The following KAZN variants were observed in gnomAD, a reference collection of about 807,000 sequenced individuals.
KAZN encodes the protein kazrin, periplakin interacting protein.
Under a neutral mutation model 87.4 loss-of-function variants are expected in KAZN, and 40 were observed. The observed-to-expected ratio is 0.46, with a 90% confidence interval of 0.36 to 0.60. The LOEUF (loss-of-function observed/expected upper bound fraction) is 0.60, where lower values mean the gene tolerates loss of function less well. KAZN is among the 20% of genes least tolerant of loss of function. KAZN has a pLI of 0.00. For missense variants in KAZN, 898 were observed against 1,073.9 expected (o/e 0.84, Z 2.29); for synonymous variants, 466 against 458.3 (o/e 1.02, Z -0.22).
intron 1 of KAZN, among the ~76,000 whole-genome samples, chr1:14,060,350 G>A (rs535644882): frequency 2.9e-4 from 37 of 128,566 alleles, no homozygotes; most frequent in Non-Finnish European, 4.1e-4. Context: ...GCGACAGAGC[G>A]AGACTCCACC....
At chr1:14,615,960 C>T (rs995842785) in intron 1 of KAZN, among the ~76,000 whole-genome samples, 2 of 152,212 alleles carry the variant, frequency 1.3e-5, no homozygotes, top group Non-Finnish European at 2.9e-5. Context: ...TCTCACCTGG[C>T]TTGAGCAGAG....
intron 1 of KAZN, among the ~76,000 whole-genome samples, chr1:14,614,570 T>G (rs1479564624): frequency 6.6e-6 from 1 of 152,198 alleles, no homozygotes; most frequent in Non-Finnish European, 1.5e-5. Context: ...GCAAAGCACC[T>G]CCCGCGCTGG....
At chr1:14,563,382 C>T (rs1674363449) in intron 2 of KAZN, among the ~76,000 whole-genome samples, 1 of 152,182 alleles carries the variant, frequency 6.6e-6, no homozygotes. Context: ...GATGTATAAA[C>T]CCATAACCCA....
chr1:15,023,942 G>C (rs919888515), intron 2 of KAZN, among the ~76,000 whole-genome samples: 2 of 152,142 alleles, frequency 1.3e-5, no homozygotes, highest in African/African-American at 4.8e-5. Flanking sequence ...AGAGTTTAAG[G>C]CCAGAGCAAC....
chr1:14,679,425 G>C (rs1640434856), intron 1 of KAZN, among the ~76,000 whole-genome samples: 1 of 152,134 alleles, frequency 6.6e-6, no homozygotes, highest in Non-Finnish European at 1.5e-5. Context: ...GGGTGATATG[G>C]GGTAGGGGGA....
chr1:14,503,509 A>T (rs1191205282), intron 2 of KAZN, among the ~76,000 whole-genome samples: 1 of 149,388 alleles, frequency 6.7e-6, no homozygotes, highest in Non-Finnish European at 1.5e-5. Flanking sequence ...ATGAATTGAT[A>T]TGTGTAGAGT....
chr1:14,326,291 T>C (rs765929811), intron 2 of KAZN, among the ~76,000 whole-genome samples: 29 of 151,946 alleles, frequency 1.9e-4, no homozygotes, highest in Non-Finnish European at 2.1e-4. Flanking sequence ...CAAAAAGCCA[T>C]CCTTGTTGTG....
chr1:14,142,731 C>T (rs1163654287), intron 1 of KAZN, among the ~76,000 whole-genome samples: 2 of 152,210 alleles, frequency 1.3e-5, no homozygotes, highest in African/African-American at 2.4e-5. Context: ...CAGATGGGCC[C>T]GCTGCAGCTG....
intron 1 of KAZN, among the ~76,000 whole-genome samples, chr1:14,904,983 A>C (rs1252042005): frequency 6.6e-6 from 1 of 151,920 alleles, no homozygotes; most frequent in Non-Finnish European, 1.5e-5. Flanking sequence ...GGATGGTCTC[A>C]ATCTCCTGAC....
At chr1:14,542,604 A>G (rs899257702) in intron 2 of KAZN, among the ~76,000 whole-genome samples, 5 of 152,236 alleles carry the variant, frequency 3.3e-5, no homozygotes, top group Non-Finnish European at 7.3e-5. Context: ...CAGATTTGTT[A>G]CATGGGAATA....
intron 2 of KAZN, among the ~76,000 whole-genome samples, chr1:14,569,125 T>C (rs1415363433): frequency 2.0e-5 from 3 of 152,182 alleles, no homozygotes; most frequent in Non-Finnish European, 4.4e-5. Context: ...ATCCCATTTA[T>C]AGTTGTGTGA....
At chr1:14,403,654 A>G (rs1429628009) in intron 2 of KAZN, among the ~76,000 whole-genome samples, 4 of 152,238 alleles carry the variant, frequency 2.6e-5, no homozygotes, top group African/African-American at 9.6e-5. Flanking sequence ...TGGCCAGTCT[A>G]GAACCCATGG....
chr1:14,774,519 G>A (rs1427351669), intron 1 of KAZN, among the ~76,000 whole-genome samples: 1 of 148,484 alleles, frequency 6.7e-6, no homozygotes, highest in Non-Finnish European at 1.5e-5. Flanking sequence ...CACCCAGGCT[G>A]GAGTGCAGTG....
intron 8 of KAZN, chr1:15,068,183 T>C (rs1278758957): frequency 2.5e-6 from 2 of 789,640 alleles, no homozygotes; most frequent in Non-Finnish European, 3.1e-6. Context: ...TTGCTTCTAT[T>C]TGGCTCCGGG....
At chr1:14,170,174 A>G (rs755689884) in intron 1 of KAZN, among the ~76,000 whole-genome samples, 6 of 152,184 alleles carry the variant, frequency 3.9e-5, no homozygotes, top group Non-Finnish European at 5.9e-5. Context: ...TCAGAGCCCA[A>G]TTCAGGCACC....
intron 1 of KAZN, among the ~76,000 whole-genome samples, chr1:14,654,287 CAA>C (rs140822403): frequency 3.1e-4 from 25 of 80,306 alleles, no homozygotes; most frequent in African/African-American, 3.1e-4. Flanking sequence ...GGCTTCGTCT[CAA>C]AAAAAAAAAA....
intron 8 of KAZN, among the ~76,000 whole-genome samples, chr1:15,089,505 G>A (rs890069349): frequency 1.3e-5 from 2 of 152,108 alleles, no homozygotes; most frequent in African/African-American, 4.8e-5. Context: ...CTCTAGGTGT[G>A]GCCAAACAGT....
At chr1:13,936,219 C>T (rs1570327592) in intron 1 of KAZN, among the ~76,000 whole-genome samples, 4 of 149,788 alleles carry the variant, frequency 2.7e-5, no homozygotes, top group African/African-American at 9.8e-5. Context: ...GCCTCAGCCT[C>T]CTGAGTACCT....
At chr1:14,620,497 C>G (rs1302696613) in intron 1 of KAZN, among the ~76,000 whole-genome samples, 2 of 152,302 alleles carry the variant, frequency 1.3e-5, no homozygotes, top group Non-Finnish European at 2.9e-5. Flanking sequence ...TTCCAAGATT[C>G]CAGGGCTCGG....
Sources: gnomAD v4.1 joint callset for allele counts (sites outside exome capture counted in the v4.1 genomes callset) on GRCh38, gnomAD v4.1.1 for gene constraint, MANE v1.5 for transcripts, NCBI Gene and HGNC (gene_info 2026-07-23, HGNC 2026-07-21) for gene names.